Variants in PLEKHF1 observed in about 807,000 individuals in gnomAD.
PLEKHF1 encodes pleckstrin homology and FYVE domain containing 1, also known as pleckstrin homology domain-containing family F member 1.
Under a neutral mutation model 4.1 loss-of-function variants are expected in PLEKHF1, and 1 was observed. The ratio of observed to expected loss-of-function variants is 0.24; its 90% confidence interval spans 0.09 to 1.15. The LOEUF (loss-of-function observed/expected upper bound fraction) is 1.15, where lower values mean the gene tolerates loss of function less well. Ranked by LOEUF, PLEKHF1 falls within the 50% of genes most tolerant of loss-of-function variation. The pLI, the probability that PLEKHF1 is intolerant of heterozygous loss-of-function variation, is 0.52. For synonymous variants in PLEKHF1, 182 were observed against 178.5 expected (o/e 1.02, Z -0.16); for missense variants, 429 against 400.6 (o/e 1.07, Z -0.60).
chr19:29,673,095 T>C (rs917036931), intron 1 of PLEKHF1, among the ~76,000 whole-genome samples: 2 of 152,012 alleles, frequency 1.3e-5, no homozygotes, highest in Non-Finnish European at 2.9e-5. Flanking sequence ...TGGGGTTGGG[T>C]GGGAACTAAA....
chr19:29,674,170 G>T lies in PLEKHF1; in HGVS notation c.331G>T (p.Val111Leu), dbSNP rs1971667285. 1 of 1,613,476 alleles carries T rather than the reference G, an allele frequency of 6.2e-7. No homozygotes were observed. Among genetic ancestry groups the T allele is most frequent in the South Asian group, 1.1e-5 (1 of 91,088 alleles). ...CAAGACGGCCAAGAAGTCCTTTGTG[G>T]TGTCGGCCGCCTCCGCTACGGAGCG... ...MIKTAKKSFVVSAASATERQE... is the reference protein window; with the variant it reads ...MIKTAKKSFVLSAASATERQE... The change falls in exon 2 of 2, where the codon GTG becomes TTG. Residue 111 changes from valine (V) to leucine (L), a missense_variant. Transcript: ENST00000436066.
chr19:29,672,486 A>G (rs573107319), intron 1 of PLEKHF1, among the ~76,000 whole-genome samples: 1 of 152,294 alleles, frequency 6.6e-6, no homozygotes, highest in Non-Finnish European at 1.5e-5. Flanking sequence ...TGCAGGAAGG[A>G]GCTGACCCTG....
Position 29,674,112 on chromosome 19 carries a change from G to A in PLEKHF1, c.273G>A (p.Pro91=), listed in dbSNP as rs768444045. The part of the protein sequence containing the change: ...PLEEVTLELL[P]ETLQAKNRWM... ...AGGAGGTCACACTGGAGCTGTTGCCGGAGACGCTGCAGGCCAAGAACCGCT... is the reference window on the plus strand; with the variant it reads ...AGGAGGTCACACTGGAGCTGTTGCCAGAGACGCTGCAGGCCAAGAACCGCT... The change falls in exon 2 of 2, where the codon CCG becomes CCA. Residue 91 remains proline, a synonymous_variant. Coordinates refer to ENST00000436066, the MANE Select transcript of PLEKHF1 (RefSeq NM_024310.5). 1.2e-6 allele frequency: 2 copies of A among 1,613,942 alleles called. No homozygotes were observed. Among genetic ancestry groups the A allele is most frequent in the East Asian group, 2.2e-5 (1 of 44,878 alleles).
rs928862196 is a variant in PLEKHF1, at chr19:29,674,309, T to A, written c.470T>A (p.Ile157Asn). ...TGGATCCCCGACAAGGCCACGGACA[T>A]CTGCATGCGCTGCACGCAGACGCGC... ...APWIPDKATD[I>N]CMRCTQTRFS... Residue 157 changes from isoleucine (I) to asparagine (N), a missense_variant, in exon 2 of 2, where the codon ATC becomes AAC. By Grantham distance (149) the Ile-to-Asn change is moderately radical. Coordinates refer to ENST00000436066, the MANE Select transcript of PLEKHF1 (RefSeq NM_024310.5). 4 of 1,588,894 alleles carry A rather than the reference T, an allele frequency of 2.5e-6. No individual in the cohort carries two copies. Among genetic ancestry groups the A allele is most frequent in the Non-Finnish European group, 3.4e-6 (4 of 1,174,302 alleles).
At position 29,671,877 on chromosome 19, in the gene PLEKHF1, C is replaced by T. The variant is rs1314632209; in HGVS notation, c.-16-1947C>T. On this transcript the variant is annotated intron_variant, in intron 1 of 1. Coordinates refer to ENST00000436066, the MANE Select transcript of PLEKHF1 (RefSeq NM_024310.5). This position sits in a 1 kb window ranked among gnomAD's most constrained non-coding sequence, Gnocchi z 4.0. ...CTCAGCCCCAGGCGTGCCGTGTGTACCGGAATGCATGTGTGCACGTGGTGG... is the reference window on the plus strand; with the variant it reads ...CTCAGCCCCAGGCGTGCCGTGTGTATCGGAATGCATGTGTGCACGTGGTGG... Among the ~76,000 whole-genome samples the T allele has an allele frequency of 6.6e-6, 1 of 152,070 alleles. No individual in the cohort carries two copies. The highest frequency in any genetic ancestry group is 1.5e-5 in the Non-Finnish European group (1 of 68,020).
At chr19:29,665,860 T>G in intron 1 of PLEKHF1, 1 of 999,482 alleles carries the variant, frequency 1.0e-6, no homozygotes, top group Non-Finnish European at 1.2e-6. Context: ...TGGTGGTGTT[T>G]CCGGGATCCT....
Position 29,671,389 on chromosome 19 carries a change from T to A in PLEKHF1, c.-16-2435T>A, listed in dbSNP as rs1202207206. ...ACAGGCTGTGTTTTTCCACTCCACG[T>A]TTGTTGTTTGCCGTCAGACCACATT... On this transcript the variant is annotated intron_variant, in intron 1 of 1. Coordinates refer to ENST00000436066, the MANE Select transcript of PLEKHF1 (RefSeq NM_024310.5). This position sits in a 1 kb window ranked among gnomAD's most constrained non-coding sequence, Gnocchi z 4.0. Among the ~76,000 whole-genome samples the A allele has an allele frequency of 6.6e-6, 1 of 152,202 alleles. No homozygotes were observed. Among genetic ancestry groups the A allele is most frequent in the Non-Finnish European group, 1.5e-5 (1 of 68,040 alleles).
At chr19:29,667,421 G>A (rs1460360121) in intron 1 of PLEKHF1, among the ~76,000 whole-genome samples, 1 of 152,172 alleles carries the variant, frequency 6.6e-6, no homozygotes, top group African/African-American at 2.4e-5. Flanking sequence ...TAAATATTTG[G>A]AAAATGAAAT....
At chr19:29,668,683 G>A (rs1329155649) in intron 1 of PLEKHF1, among the ~76,000 whole-genome samples, 1 of 150,500 alleles carries the variant, frequency 6.6e-6, no homozygotes, top group African/African-American at 2.4e-5. Flanking sequence ...TTGTGCCACT[G>A]TACTTCAGCC....
chr19:29,668,772 G>A (rs920072907), intron 1 of PLEKHF1, among the ~76,000 whole-genome samples: 1 of 152,060 alleles, frequency 6.6e-6, no homozygotes, highest in African/African-American at 2.4e-5. Flanking sequence ...CTAACTCAGG[G>A]CTGCTGTATT....
rs1020866774 is a variant in PLEKHF1, at chr19:29,669,032, C to T, written c.-17+3527C>T. Reference sequence around the variant, plus strand: ...ATGCCCCTCCTCGCCCTTCCTGGTCCACATTTTACCATCAGCAGCTGGACA... The same window carrying T: ...ATGCCCCTCCTCGCCCTTCCTGGTCTACATTTTACCATCAGCAGCTGGACA... On this transcript the variant is annotated intron_variant, in intron 1 of 1. Coordinates refer to ENST00000436066, the MANE Select transcript of PLEKHF1 (RefSeq NM_024310.5). Among the ~76,000 whole-genome samples the T allele has an allele frequency of 8.0e-4, 122 of 152,162 alleles. 1 individual carries two copies. Among genetic ancestry groups the T allele is most frequent in the African/African-American group, 2.7e-3 (113 of 41,434 alleles).
chr19:29,665,670 G>A (rs1012063747), intron 1 of PLEKHF1, 165 bp downstream of exon 1: 8 of 1,119,714 alleles, frequency 7.1e-6, no homozygotes, highest in Admixed American at 1.0e-4. Flanking sequence ...CCCAAGAAGA[G>A]GCCTGGGAAG....
Position 29,674,080 on chromosome 19 carries a change from C to T in PLEKHF1, c.241C>T (p.Pro81Ser). The change falls in exon 2 of 2, where the codon CCC becomes TCC. Residue 81 changes from proline (P) to serine (S), a missense_variant. Coordinates refer to ENST00000436066, the MANE Select transcript of PLEKHF1 (RefSeq NM_024310.5). ...KRKYRSQHII[P>S]LEEVTLELLP... is the part of the protein sequence containing the mutation. ...CAAGTACCGCAGCCAGCACATCATC[C>T]CCCTGGAGGAGGTCACACTGGAGCT... 2.5e-6 allele frequency: 4 copies of T among 1,614,070 alleles called. No individual in the cohort carries two copies. The Middle Eastern group carries it at 6.6e-4, about 266-fold the overall frequency.
In PLEKHF1 at chr19:29,671,074, A is replaced by G. The variant is rs1971626846; in HGVS notation, c.-16-2750A>G. On this transcript the variant is annotated intron_variant, in intron 1 of 1. Coordinates refer to ENST00000436066, the MANE Select transcript of PLEKHF1 (RefSeq NM_024310.5). The surrounding 1 kb of genome is among the most constrained non-coding windows in gnomAD (Gnocchi z 4.0). ...CTCCACACCCTCACCAACACTTGTT[A>G]TTTATTTTTTGTTTTGTTTTTTTCC... Among the ~76,000 whole-genome samples, 1 of 148,614 alleles carries G rather than the reference A, an allele frequency of 6.7e-6. No homozygotes were observed. Among genetic ancestry groups the G allele is most frequent in the Non-Finnish European group, 1.5e-5 (1 of 67,094 alleles).
chr19:29,673,666 C>T (rs951730712), intron 1 of PLEKHF1, among the ~76,000 whole-genome samples, 158 bp from the exon 2 acceptor site: 1 of 152,198 alleles, frequency 6.6e-6, no homozygotes, highest in Non-Finnish European at 1.5e-5. Flanking sequence ...GGTCAGCTTC[C>T]GAGGTGATGC....
chr19:29,673,775 AC>A, intron 1 of PLEKHF1, 48 bp from the exon 2 acceptor site: 1 of 1,547,184 alleles, frequency 6.5e-7, no homozygotes, highest in Non-Finnish European at 8.7e-7. Flanking sequence ...TGGTTCTGAC[AC>A]CCCCATGCCT....
At chr19:29,668,362 C>T (rs987017866) in intron 1 of PLEKHF1, among the ~76,000 whole-genome samples, 4 of 151,896 alleles carry the variant, frequency 2.6e-5, no homozygotes, top group African/African-American at 7.3e-5. Flanking sequence ...CAGGGCTCAG[C>T]TTTTTTCTCC....
At position 29,674,903 on chromosome 19, in the gene PLEKHF1, C is replaced by A; in HGVS notation, c.*224C>A. The A allele has an allele frequency of 1.5e-6, 1 of 648,670 alleles. No individual in the cohort carries two copies. The highest frequency in any genetic ancestry group is 2.5e-6 in the Non-Finnish European group (1 of 396,996). The allele number at this position is 648,670 out of a possible 1,614,324, so 40.2% of individuals were successfully genotyped here. On this transcript the variant is annotated 3_prime_UTR_variant, in exon 2 of 2. Transcript: ENST00000436066. ...TCCCTTCAGGAAGCCCCAGAACACC[C>A]ACAGGTCTTGGTAACAAACGCCACC...
rs2145590641 is a variant in PLEKHF1, at chr19:29,673,958, G to A, written c.119G>A (p.Gly40Asp). 6.2e-7 allele frequency: 1 copy of A among 1,613,902 alleles called. No homozygotes were observed. The highest frequency in any genetic ancestry group is 2.2e-5 in the East Asian group (1 of 44,888). Residue 40 changes from glycine to aspartate, a missense_variant, in exon 2 of 2, where the codon GGC (glycine) becomes GAC (aspartate). Transcript: ENST00000436066. ...CCAGGCCGAGTGCTGCTGGGCGAGGGCGTGCTGACCAAAGAGTGCCGCAAG... is the reference window on the plus strand; with the variant it reads ...CCAGGCCGAGTGCTGCTGGGCGAGGACGTGCTGACCAAAGAGTGCCGCAAG... ...ALPGRVLLGE[G>D]VLTKECRKKA...
Sources: allele counts gnomAD v4.1 joint callset (sites outside exome capture counted in the v4.1 genomes callset), GRCh38; gene constraint gnomAD v4.1.1; non-coding constraint Gnocchi (gnomAD v3.1); transcripts MANE v1.5; gene names NCBI Gene and HGNC (gene_info 2026-07-23, HGNC 2026-07-21).